The following RASSF8 variants were observed in gnomAD, a reference collection of about 807,000 sequenced individuals.
RASSF8 encodes the protein ras association domain-containing protein 8.
Under a neutral mutation model 48.5 loss-of-function variants are expected in RASSF8, and 22 were observed. That is an observed-to-expected ratio of 0.45 (90% CI 0.32 to 0.65). RASSF8 has a LOEUF of 0.65. Among genes scored for constraint, RASSF8 ranks in the 30% least tolerant of loss-of-function variants. The pLI is 0.03. For synonymous variants in RASSF8, 127 were observed against 171.5 expected (o/e 0.74, Z 2.03); for missense variants, 418 against 489.2 (o/e 0.85, Z 1.37).
At chr12:26,074,127 A>T (rs1239887550), downstream of RASSF8, among the ~76,000 whole-genome samples, 2 of 152,160 alleles carry the variant, frequency 1.3e-5, no homozygotes, top group African/African-American at 2.4e-5. Flanking sequence ...CTCTAAAATC[A>T]TGTTTTGTTA....
At position 26,067,706 on chromosome 12, in the gene RASSF8, T is replaced by C. The variant is rs754399000; in HGVS notation, c.1131T>C (p.Ile377=). Residue 377 remains isoleucine, a synonymous_variant, in exon 5 of 6, where the codon ATT becomes ATC. Coordinates refer to ENST00000689635, the MANE Select transcript of RASSF8 (RefSeq NM_001394098.1). ...AAATAGAGGCCTCACATGCAGACAT[T>C]GAAAGGGGTAAGATGTTGATAAATA... ...PIEIEASHAD[I]EREAPFQSGS... 1.9e-6 allele frequency: 3 copies of C among 1,613,994 alleles called. No individual in the cohort carries two copies. The highest frequency in any genetic ancestry group is 1.7e-5 in the Admixed American group (1 of 59,980).
intron 1 of RASSF8, among the ~76,000 whole-genome samples, chr12:25,989,256 T>C (rs1458289666): frequency 6.6e-6 from 1 of 152,230 alleles, no homozygotes; most frequent in Non-Finnish European, 1.5e-5. Flanking sequence ...GGGGCTTCCT[T>C]GATGTAAACC....
At chr12:25,961,408 AT>A (rs1381002990) in intron 1 of RASSF8, among the ~76,000 whole-genome samples, 2 of 152,212 alleles carry the variant, frequency 1.3e-5, no homozygotes, top group African/African-American at 4.8e-5. Context: ...AAAGATTTGG[AT>A]TACAAAATAA....
At chr12:26,046,668 T>A (rs1007088942) in intron 2 of RASSF8, among the ~76,000 whole-genome samples, 1 of 42,696 alleles carries the variant, frequency 2.3e-5, no homozygotes, top group Non-Finnish European at 5.4e-5. Context: ...AGACCCCATC[T>A]CTTTAAAAAA....
chr12:25,965,003 C>A (rs56369291), intron 1 of RASSF8, among the ~76,000 whole-genome samples: 7 of 152,160 alleles, frequency 4.6e-5, no homozygotes, highest in Middle Eastern at 6.8e-3. Context: ...AGTGCAGTGG[C>A]ACGATCTTGG....
At chr12:26,039,100 CAGTG>C (rs1233638903) in intron 2 of RASSF8, among the ~76,000 whole-genome samples, 1 of 152,168 alleles carries the variant, frequency 6.6e-6, no homozygotes, top group African/African-American at 2.4e-5. Flanking sequence ...TGATCCACGG[CAGTG>C]AGTTTCATTG....
chr12:25,964,791 T>G (rs561925824), intron 1 of RASSF8, among the ~76,000 whole-genome samples: 1 of 152,330 alleles, frequency 6.6e-6, no homozygotes, highest in East Asian at 1.9e-4. Context: ...TGTTTTGTAA[T>G]GTTGAAGGTA....
downstream of RASSF8, among the ~76,000 whole-genome samples, chr12:26,077,736 T>G (rs1041354595): frequency 6.6e-6 from 1 of 152,216 alleles, no homozygotes; most frequent in Non-Finnish European, 1.5e-5. Context: ...AGGCTAAAGC[T>G]AAACTGGTTT....
At chr12:26,050,603 T>G (rs1943471022) in intron 2 of RASSF8, among the ~76,000 whole-genome samples, 1 of 152,356 alleles carries the variant, frequency 6.6e-6, no homozygotes, top group African/African-American at 2.4e-5. Flanking sequence ...TTCCAGAAAG[T>G]ATATTTTAAT....
intron 2 of RASSF8, among the ~76,000 whole-genome samples, chr12:26,012,147 G>C (rs919760855): frequency 6.6e-6 from 1 of 152,148 alleles, no homozygotes; most frequent in Non-Finnish European, 1.5e-5. Context: ...TTCCTCTAAT[G>C]AAGTGTGTGA....
rs931123314 is a variant in RASSF8 at position 26,012,187 on chromosome 12, C to G, written c.-109+17057C>G. Among the ~76,000 whole-genome samples the G allele has an allele frequency of 9.9e-5, 15 of 152,160 alleles. 1 individual carries two copies. The highest frequency in any genetic ancestry group is 5.2e-4 in the Admixed American group (8 of 15,274). ...GGGCAAGTTTTATAACTGCTCTGTG[C>G]TGAGTTCCTCTTCTGAAAAGCAGAA... On this transcript the variant is annotated intron_variant, in intron 2 of 5. Transcript: ENST00000689635.
intron 2 of RASSF8, among the ~76,000 whole-genome samples, chr12:26,017,621 C>T (rs1201970000): frequency 6.6e-6 from 1 of 152,198 alleles, no homozygotes; most frequent in Non-Finnish European, 1.5e-5. Flanking sequence ...CTACCAAAAA[C>T]GCACCCAAGG....
At chr12:26,016,332 A>G (rs545633858) in intron 2 of RASSF8, among the ~76,000 whole-genome samples, 1 of 151,590 alleles carries the variant, frequency 6.6e-6, no homozygotes, top group African/African-American at 2.4e-5. Flanking sequence ...TGCTTTGGTT[A>G]TAGTGGTCCT....
chr12:25,959,814 G>A (rs1025371885), intron 1 of RASSF8: 1 of 152,130 alleles, frequency 6.6e-6, no homozygotes, highest in Non-Finnish European at 1.5e-5. Flanking sequence ...ACTTGGGTTC[G>A]GAATCCAGTG....
intron 2 of RASSF8, among the ~76,000 whole-genome samples, chr12:26,023,512 T>C (rs996454490): frequency 3.9e-5 from 6 of 152,178 alleles, no homozygotes; most frequent in African/African-American, 1.4e-4. Flanking sequence ...AATTTTTAAC[T>C]AACAATTTTA....
exon 6 of RASSF8, chr12:26,079,603 AATAG>A (rs1021228548): frequency 3.9e-5 from 6 of 152,012 alleles, no homozygotes; most frequent in Admixed American, 2.6e-4. Flanking sequence ...AAAAAAAAAA[AATAG>A]ATATTTTTCC....
chr12:25,993,100 C>A (rs1436637558), intron 1 of RASSF8, among the ~76,000 whole-genome samples: 1 of 152,150 alleles, frequency 6.6e-6, no homozygotes, highest in African/African-American at 2.4e-5. Context: ...CTTGGCATTT[C>A]CCAGAGACAC....
chr12:26,069,580 A>G lies in RASSF8; in HGVS notation c.*762A>G, dbSNP rs1943957399. ...TTGAACAAAAATGTAATTGGTAAGT[A>G]TGTATCCAAACAGGCATGGGGTTTC... On this transcript the variant is annotated 3_prime_UTR_variant, in exon 6 of 6. Coordinates refer to ENST00000689635, the MANE Select transcript of RASSF8 (RefSeq NM_001394098.1). The G allele has an allele frequency of 2.0e-6, 2 of 985,362 alleles. No individual in the cohort carries two copies. Among genetic ancestry groups the G allele is most frequent in the East Asian group, 1.1e-4 (1 of 8,838 alleles). The allele number at this position is 985,362 out of a possible 1,614,324, so 61.0% of individuals were successfully genotyped here. A position where few individuals can be genotyped will look rare whatever the true frequency, so the allele number is the denominator to read the frequency against.
rs1941857703 is a variant in RASSF8, at chr12:25,985,743, G to A, written c.-202-9294G>A. On this transcript the variant is annotated intron_variant, in intron 1 of 5. Transcript: ENST00000689635. ...ATTAATATTTGGGGGAGAGAAAAAG[G>A]GGAGGAGAGCATGCTTTCAGCAGTG... is the stretch of plus-strand genomic sequence containing the variant. Among the ~76,000 whole-genome samples the A allele has an allele frequency of 3.9e-5, 6 of 152,198 alleles. No homozygotes were observed. In the South Asian group the frequency reaches 1.2e-3, roughly 32 times the overall value.
Sources: gnomAD v4.1 joint callset for allele counts (sites outside exome capture counted in the v4.1 genomes callset) on GRCh38, gnomAD v4.1.1 for gene constraint, MANE v1.5 for transcripts, NCBI Gene and HGNC (gene_info 2026-07-23, HGNC 2026-07-21) for gene names.